Variants in ALDH5A1 observed in about 807,000 individuals in gnomAD.
ALDH5A1 encodes the protein aldehyde dehydrogenase 5 family member A1.
In ALDH5A1, 33 loss-of-function variants were observed where a neutral mutation model predicts 54.7. The observed-to-expected ratio is 0.60, with a 90% CI of 0.46 to 0.81. The LOEUF (loss-of-function observed/expected upper bound fraction) is 0.81. Ranked by LOEUF, ALDH5A1 falls within the 30% of genes least tolerant of loss-of-function variation. ALDH5A1 has a pLI of 0.00. For missense variants in ALDH5A1, 657 were observed against 711.0 expected (o/e 0.92, Z 0.86); for synonymous variants, 294 against 292.7 (o/e 1.00, Z -0.05).
chr6:24,502,478 C>A, intron 1 of ALDH5A1, 45 bp from the exon 2 acceptor site: 2 of 1,374,830 alleles, frequency 1.5e-6, no homozygotes, highest in Non-Finnish European at 1.0e-6. Flanking sequence ...TTCTGTCTTA[C>A]ACTTGGCATT....
chr6:24,526,875 TCTATATATATATTCTATATATATATCTA>T (rs1404296983), intron 7 of ALDH5A1, among the ~76,000 whole-genome samples: 27 of 103,094 alleles, frequency 2.6e-4, no homozygotes, highest in African/African-American at 1.2e-3. Context: ...ATATATATCT[TCTATATATATATTCTATATATATATCTA>T]CTATATATAT....
chr6:24,520,298 G>A, intron 5 of ALDH5A1, 103 bp from the exon 6 acceptor site: 1 of 1,340,118 alleles, frequency 7.5e-7, no homozygotes, highest in South Asian at 1.2e-5. Flanking sequence ...GTACACCACT[G>A]TGCACCTTGC....
chr6:24,495,290 C>A lies in ALDH5A1; in HGVS notation c.294C>A (p.Ala98=), dbSNP rs1764673741. The A allele has an allele frequency of 6.5e-7, 1 of 1,533,130 alleles. No homozygotes were observed. The highest frequency in any genetic ancestry group is 8.7e-7 in the Non-Finnish European group (1 of 1,146,396). 95.0% of individuals were successfully genotyped at this position (1,533,130 alleles called of 1,614,324 possible). ...TAGCCGACTGCGGGGTGCGAGAGGC[C>A]CGCGCCGCCGTGCGCGCTGCCTACG... The part of the protein sequence containing the change: ...GMVADCGVRE[A]RAAVRAAYEA... The change falls in exon 1 of 10, where the codon GCC becomes GCA. Residue 98 remains alanine (A), a synonymous_variant. Transcript: ENST00000357578.
chr6:24,500,684 G>C (rs913354911), intron 1 of ALDH5A1, among the ~76,000 whole-genome samples: 1 of 119,428 alleles, frequency 8.4e-6, no homozygotes, highest in Non-Finnish European at 1.8e-5. Context: ...TAATAATAAC[G>C]TAGGGAACTA....
intron 5 of ALDH5A1, among the ~76,000 whole-genome samples, chr6:24,520,200 A>G (rs1581818252): frequency 6.6e-6 from 1 of 152,176 alleles, no homozygotes; most frequent in Non-Finnish European, 1.5e-5. Context: ...TACCACACCC[A>G]GCCTCTTCCC....
At chr6:24,511,730 A>G in intron 4 of ALDH5A1, 1 of 384,656 alleles carries the variant, frequency 2.6e-6, no homozygotes, top group Admixed American at 4.6e-5. Flanking sequence ...TATTTCTTGT[A>G]TCTTTTTTTT....
chr6:24,513,822 T>C (rs1054882243), intron 4 of ALDH5A1, among the ~76,000 whole-genome samples: 3 of 151,642 alleles, frequency 2.0e-5, no homozygotes, highest in African/African-American at 7.3e-5. Context: ...TGCCCCCTGC[T>C]TCCTCTCACA....
At position 24,537,109 on chromosome 6, in the gene ALDH5A1, C is replaced by A. The variant is rs1337737381; in HGVS notation, c.*3397C>A. On this transcript the variant is annotated 3_prime_UTR_variant, in exon 10 of 10. Coordinates refer to ENST00000357578, the MANE Select transcript of ALDH5A1 (RefSeq NM_001080.3). ...TTGCTTTTAAAACGTGGACATAACT[C>A]ATTTTTCTAGTTTTTGACAATTGTG... 10 of 152,574 alleles carry A rather than the reference C, an allele frequency of 6.6e-5. No individual in the cohort carries two copies. Among genetic ancestry groups the A allele is most frequent in the Non-Finnish European group, 2.9e-5 (2 of 68,036 alleles). The allele number at this position is 152,574 out of a possible 1,614,324, so 9.5% of individuals were successfully genotyped here. A position where few individuals can be genotyped will look rare whatever the true frequency, so the allele number is the denominator to read the frequency against.
In ALDH5A1 at chr6:24,514,727, T is replaced by TA. The variant is rs1209586540; in HGVS notation, c.727-428dup. ...CCTGGGTGACAGAGCAAGACTGTCT[T>TA]AAAAAAAAAAAAGAAAGAAAGAAAC... On this transcript the variant is annotated intron_variant, in intron 4 of 9. Coordinates refer to ENST00000357578, the MANE Select transcript of ALDH5A1 (RefSeq NM_001080.3). Among the ~76,000 whole-genome samples, 729 of 144,748 alleles carry TA rather than the reference T, an allele frequency of 5.0e-3. 4 individuals are homozygous for TA. Among genetic ancestry groups the TA allele is most frequent in the African/African-American group, 0.015 (578 of 39,656 alleles). The allele number at this position is 144,748 out of a possible 152,430, so 95.0% of individuals were successfully genotyped here.
At chr6:24,500,052 C>T (rs1010455075) in intron 1 of ALDH5A1, among the ~76,000 whole-genome samples, 8 of 152,282 alleles carry the variant, frequency 5.3e-5, no homozygotes, top group Non-Finnish European at 7.4e-5. Context: ...AAGCAACCCT[C>T]CCTCCTTGGC....
intron 4 of ALDH5A1, among the ~76,000 whole-genome samples, chr6:24,508,411 AATCTC>A (rs1416375449): frequency 1.6e-5 from 2 of 127,290 alleles, no homozygotes; most frequent in African/African-American, 6.0e-5. Flanking sequence ...CTAATCCTCT[AATCTC>A]ATCCAGCCCA....
chr6:24,531,849 C>T (rs1759943066), intron 8 of ALDH5A1, among the ~76,000 whole-genome samples: 1 of 151,998 alleles, frequency 6.6e-6, no homozygotes, highest in Non-Finnish European at 1.5e-5. Context: ...GTTTGATATT[C>T]TGGATATGCC....
intron 1 of ALDH5A1, among the ~76,000 whole-genome samples, chr6:24,500,189 A>G (rs1183491084): frequency 6.6e-6 from 1 of 152,238 alleles, no homozygotes; most frequent in Non-Finnish European, 1.5e-5. Context: ...CAAAATATGC[A>G]TAACATAACA....
chr6:24,502,747 A>C (rs1262815205), intron 2 of ALDH5A1, 141 bp downstream of exon 2: 3 of 716,918 alleles, frequency 4.2e-6, no homozygotes, highest in Non-Finnish European at 7.6e-6. Flanking sequence ...CAAATACCAA[A>C]TCATTATTGT....
At chr6:24,511,008 GT>G (rs1209035439) in intron 4 of ALDH5A1, among the ~76,000 whole-genome samples, 2 of 152,188 alleles carry the variant, frequency 1.3e-5, no homozygotes, top group Admixed American at 1.3e-4. Context: ...TTCTTGTAGT[GT>G]TGGTTTGGTA....
intron 5 of ALDH5A1, 26 bp from the exon 6 acceptor site, chr6:24,520,375 C>T (rs1759655527): frequency 6.2e-7 from 1 of 1,613,440 alleles, no homozygotes; most frequent in Non-Finnish European, 8.5e-7. Context: ...TTTCTGTGCT[C>T]ACAGCTTTCT....
rs1191980486 is a variant in ALDH5A1, at chr6:24,508,376, A to AT, written c.726+3391_726+3392insT. On this transcript the variant is annotated intron_variant, in intron 4 of 9. Coordinates refer to ENST00000357578, the MANE Select transcript of ALDH5A1 (RefSeq NM_001080.3). ...ACTCCATCTCCAAAAAAAAAAAAAA[A>AT]AAAAAAAAAAAAGATTAATAGTCTC... Among the ~76,000 whole-genome samples, 249 of 88,012 alleles carry AT rather than the reference A, an allele frequency of 2.8e-3. 27 individuals carry two copies. Among genetic ancestry groups the AT allele is most frequent in the African/African-American group, 9.2e-3 (202 of 22,056 alleles). The allele number at this position is 88,012 out of a possible 152,430, so 57.7% of individuals were successfully genotyped here.
rs200774667 is a variant in ALDH5A1 at position 24,525,522 on chromosome 6, AC to A, written c.1174-2472del. ...AGACCAGCCTGACCAACACAGTGAA[AC>A]CCTATCTCTAAAAAAAAAAAAAAAG... On this transcript the variant is annotated intron_variant, in intron 7 of 9. Coordinates refer to ENST00000357578, the MANE Select transcript of ALDH5A1 (RefSeq NM_001080.3). Among the ~76,000 whole-genome samples, 1,493 of 151,380 alleles carry A rather than the reference AC, an allele frequency of 9.9e-3. 2 individuals are homozygous for A. Among genetic ancestry groups the A allele is most frequent in the African/African-American group, 0.018 (734 of 41,210 alleles).
At position 24,522,811 on chromosome 6, in the gene ALDH5A1, T is replaced by C; in HGVS notation, c.1059T>C (p.His353=). ...SNQFLVQRGI[H]DAFVKAFAEA... ...AATTCTTGGTGCAAAGGGGCATCCA[T>C]GATGCCTTTGTAAAAGCATTCGCCG... Residue 353 remains histidine (H), a synonymous_variant, in exon 7 of 10, where the codon CAT becomes CAC. Transcript: ENST00000357578. 1 of 1,614,138 alleles carries C rather than the reference T, an allele frequency of 6.2e-7. No homozygotes were observed. The highest frequency in any genetic ancestry group is 8.5e-7 in the Non-Finnish European group (1 of 1,180,014).
Sources: allele counts gnomAD v4.1 joint callset (sites outside exome capture counted in the v4.1 genomes callset), GRCh38; gene constraint gnomAD v4.1.1; transcripts MANE v1.5; gene names NCBI Gene and HGNC (gene_info 2026-07-23, HGNC 2026-07-21).